Variants in SDK1 observed in about 807,000 individuals in gnomAD.
SDK1 encodes sidekick cell adhesion molecule 1.
A neutral mutation model predicts 245.5 loss-of-function variants in SDK1; 157 were observed. The observed-to-expected ratio is 0.64, with a 90% CI of 0.56 to 0.73. The LOEUF (loss-of-function observed/expected upper bound fraction) is 0.73, where lower values mean the gene tolerates loss of function less well. Ranked by LOEUF, SDK1 falls within the 30% of genes least tolerant of loss-of-function variation. The probability of loss-of-function intolerance (pLI) is 0.00; values close to 1 mark genes in which losing one functional copy is unlikely to be tolerated. For missense variants in SDK1, 3,583 were observed against 3,002.3 expected (o/e 1.19, Z -4.52); for synonymous variants, 1,647 against 1,278.5 (o/e 1.29, Z -6.15).
intron 5 of SDK1, among the ~76,000 whole-genome samples, chr7:3,930,177 T>C (rs537936563): frequency 1.3e-5 from 2 of 152,272 alleles, no homozygotes; most frequent in South Asian, 4.2e-4. Context: ...TTCGCCTTTA[T>C]AACCAGCTCC....
rs1490440724 is a variant in SDK1 at position 4,266,269 on chromosome 7, T to C, written c.*885T>C. 1 of 985,418 alleles carries C rather than the reference T, an allele frequency of 1.0e-6. No homozygotes were observed. Among genetic ancestry groups the C allele is most frequent in the Non-Finnish European group, 1.2e-6 (1 of 829,882 alleles). The allele number at this position is 985,418 out of a possible 1,614,324, so 61.0% of individuals were successfully genotyped here. A position where few individuals can be genotyped will look rare whatever the true frequency, so the allele number is the denominator to read the frequency against. On this transcript the variant is annotated 3_prime_UTR_variant, in exon 45 of 45. Coordinates refer to ENST00000404826, the MANE Select transcript of SDK1 (RefSeq NM_152744.4). Reference sequence around the variant, plus strand: ...CCAGAGTATTTTTAAAATCTTTTTATCTTTTTTTAAACTATGTCACATGAA... The same window carrying C: ...CCAGAGTATTTTTAAAATCTTTTTACCTTTTTTTAAACTATGTCACATGAA...
intron 5 of SDK1, among the ~76,000 whole-genome samples, chr7:3,851,708 C>T (rs1780423939): frequency 6.6e-6 from 1 of 152,072 alleles, no homozygotes; most frequent in Non-Finnish European, 1.5e-5. Context: ...TTACACAGTC[C>T]ACCAGAAAAC....
chr7:4,057,030 C>T (rs371247825), intron 19 of SDK1, among the ~76,000 whole-genome samples: 1 of 152,156 alleles, frequency 6.6e-6, no homozygotes, highest in African/African-American at 2.4e-5. Context: ...GGCATTTTCA[C>T]TCATCTTGAG....
chr7:3,522,642 TCTTA>T (rs1393226955), intron 1 of SDK1, among the ~76,000 whole-genome samples: 1 of 152,052 alleles, frequency 6.6e-6, no homozygotes, highest in Non-Finnish European at 1.5e-5. Flanking sequence ...TTGAACGACT[TCTTA>T]CTTCCTATAG....
intron 14 of SDK1, among the ~76,000 whole-genome samples, chr7:4,005,507 C>T (rs1339857955): frequency 1.3e-5 from 2 of 151,448 alleles, no homozygotes; most frequent in South Asian, 2.1e-4. Context: ...CCAGCTGCCC[C>T]GCTTCTGGTG....
chr7:3,962,653 G>A lies in SDK1; in HGVS notation c.1235-4G>A, dbSNP rs754873718. On this transcript the variant is annotated splice_polypyrimidine_tract_variant and splice_region_variant and intron_variant, in intron 8 of 44. Coordinates refer to ENST00000404826, the MANE Select transcript of SDK1 (RefSeq NM_152744.4). ...AAATCCTATTTATTCCCATTCCTACGCAGGGGTCCCCCTTCCCACCCTCCA... is the reference window on the plus strand; with the variant it reads ...AAATCCTATTTATTCCCATTCCTACACAGGGGTCCCCCTTCCCACCCTCCA... 2.5e-4 allele frequency: 403 copies of A among 1,598,862 alleles called. No individual in the cohort carries two copies. Among genetic ancestry groups the A allele is most frequent in the Non-Finnish European group, 3.3e-4 (390 of 1,171,384 alleles).
intron 4 of SDK1, among the ~76,000 whole-genome samples, chr7:3,791,124 G>C (rs1781068700): frequency 6.6e-6 from 1 of 151,722 alleles, no homozygotes; most frequent in South Asian, 2.1e-4. Context: ...AACAGTGACT[G>C]GTATGTAGTA....
In SDK1 at chr7:4,241,343, A is replaced by C. The variant is rs149158996; in HGVS notation, c.6131-450A>C. Among the ~76,000 whole-genome samples, 547 of 152,248 alleles carry C rather than the reference A, an allele frequency of 3.6e-3. 5 individuals are homozygous for C. The highest frequency in any genetic ancestry group is 0.013 in the African/African-American group (526 of 41,534). On this transcript the variant is annotated intron_variant, in intron 42 of 44. Transcript: ENST00000404826. The stretch of plus-strand genomic sequence containing the variant: ...AATTTCCCGGAATTTTTAGAAGTGT[A>C]TGCATTCTTGGCCAGGTGCAGTGGC...
chr7:3,551,764 C>G (rs999006282), intron 1 of SDK1, among the ~76,000 whole-genome samples: 7 of 152,058 alleles, frequency 4.6e-5, no homozygotes, highest in Non-Finnish European at 2.9e-5. Flanking sequence ...CAGCCTGAGA[C>G]TCGTGGGTTC....
At chr7:3,583,068 G>T (rs192757963) in intron 1 of SDK1, among the ~76,000 whole-genome samples, 1 of 152,202 alleles carries the variant, frequency 6.6e-6, no homozygotes, top group South Asian at 2.1e-4. Context: ...AGGGATGGGA[G>T]TAAAAGCATT....
intron 5 of SDK1, among the ~76,000 whole-genome samples, chr7:3,853,247 C>T (rs549622490): frequency 2.0e-5 from 3 of 152,222 alleles, no homozygotes; most frequent in South Asian, 2.1e-4. Flanking sequence ...TGCTCAGCCT[C>T]GACTTGGACA....
chr7:3,478,082 C>G (rs928414438), intron 1 of SDK1, among the ~76,000 whole-genome samples: 7 of 152,234 alleles, frequency 4.6e-5, no homozygotes, highest in East Asian at 1.9e-4. Context: ...TTCCACTAAT[C>G]TGTCTTTAAA....
chr7:3,835,398 A>T (rs1780007716), intron 5 of SDK1, among the ~76,000 whole-genome samples: 1 of 152,182 alleles, frequency 6.6e-6, no homozygotes, highest in Non-Finnish European at 1.5e-5. Flanking sequence ...TACAGTGGCT[A>T]AACCTTGCCC....
intron 1 of SDK1, among the ~76,000 whole-genome samples, chr7:3,521,788 T>C (rs1782948603): frequency 6.6e-6 from 1 of 152,040 alleles, no homozygotes; most frequent in African/African-American, 2.4e-5. Context: ...TAGGAGGAAG[T>C]AGTAAGGAAT....
At chr7:3,506,105 A>G (rs1038980064) in intron 1 of SDK1, among the ~76,000 whole-genome samples, 3 of 152,148 alleles carry the variant, frequency 2.0e-5, no homozygotes, top group Non-Finnish European at 4.4e-5. Context: ...GCAAGTTTTC[A>G]TCTGACAACA....
intron 4 of SDK1, among the ~76,000 whole-genome samples, chr7:3,725,971 A>G (rs1166728841): frequency 2.0e-5 from 3 of 152,240 alleles, no homozygotes; most frequent in Non-Finnish European, 4.4e-5. Context: ...TCAGGAGCCA[A>G]TATCTCAGTG....
At chr7:3,860,504 A>G (rs1447953380) in intron 5 of SDK1, among the ~76,000 whole-genome samples, 1 of 152,246 alleles carries the variant, frequency 6.6e-6, no homozygotes, top group Non-Finnish European at 1.5e-5. Flanking sequence ...AAGTTTGATA[A>G]TATCAAGTGT....
At chr7:3,897,619 C>T (rs1157238623) in intron 5 of SDK1, among the ~76,000 whole-genome samples, 2 of 152,090 alleles carry the variant, frequency 1.3e-5, no homozygotes, top group African/African-American at 4.8e-5. Context: ...TTGGGCTGCT[C>T]CCCCTTGTGG....
At chr7:3,738,077 C>A (rs1021113708) in intron 4 of SDK1, among the ~76,000 whole-genome samples, 11 of 152,212 alleles carry the variant, frequency 7.2e-5, no homozygotes, top group African/African-American at 2.4e-4. Flanking sequence ...TGCCGTCTTT[C>A]TTTTGTTGCC....
Sources: gnomAD v4.1 joint callset for allele counts (sites outside exome capture counted in the v4.1 genomes callset) on GRCh38, gnomAD v4.1.1 for gene constraint, MANE v1.5 for transcripts, NCBI Gene and HGNC (gene_info 2026-07-23, HGNC 2026-07-21) for gene names.